Variants in NOVA1 observed in about 807,000 individuals in gnomAD.
NOVA1 encodes the protein NOVA alternative splicing regulator 1.
NOVA1 carries 7 observed loss-of-function variants against 38.0 expected under a neutral mutation model. The ratio of observed to expected loss-of-function variants is 0.18; its 90% CI spans 0.10 to 0.35. The LOEUF (loss-of-function observed/expected upper bound fraction) is 0.35. Ranked by LOEUF, NOVA1 falls within the 10% of genes least tolerant of loss-of-function variation. The pLI is 1.00. For missense variants in NOVA1, 460 were observed against 616.0 expected (o/e 0.75, Z 2.68); for synonymous variants, 270 against 232.5 (o/e 1.16, Z -1.47).
intron 2 of NOVA1, among the ~76,000 whole-genome samples, chr14:26,567,700 A>G (rs755832150): frequency 2.0e-5 from 3 of 152,076 alleles, no homozygotes; most frequent in Non-Finnish European, 4.4e-5. Context: ...CACCTGTTTC[A>G]TTTCTAGTCT....
chr14:26,515,083 C>A (rs1888366380), intron 2 of NOVA1, among the ~76,000 whole-genome samples: 1 of 151,878 alleles, frequency 6.6e-6, no homozygotes. Context: ...AAATGGCCAA[C>A]AAAGAACAAA....
At chr14:26,452,688 G>C (rs952124200) in intron 4 of NOVA1, among the ~76,000 whole-genome samples, 29 of 152,224 alleles carry the variant, frequency 1.9e-4, no homozygotes, top group Middle Eastern at 3.4e-3. Context: ...ATCTTCAACG[G>C]CATACCAATT....
intron 4 of NOVA1, among the ~76,000 whole-genome samples, chr14:26,462,776 T>G (rs929966709): frequency 5.9e-5 from 9 of 152,188 alleles, no homozygotes; most frequent in African/African-American, 2.2e-4. Flanking sequence ...CAAGTAGCTT[T>G]AAAGCATATG....
In NOVA1 at chr14:26,464,123, C is replaced by T. The variant is rs527529149; in HGVS notation, c.519+8197G>A. Among the ~76,000 whole-genome samples, 5 of 152,228 alleles carry T rather than the reference C, an allele frequency of 3.3e-5. No individual in the cohort carries two copies. In the South Asian group the frequency reaches 6.2e-4, roughly 19 times the overall value. ...GGCTCAAGACCACAGTTCTCCAAAT[C>T]CCTAGATCACACTTTTTCTTTATCA... On this transcript the variant is annotated intron_variant, in intron 4 of 4. Coordinates refer to ENST00000539517, the MANE Select transcript of NOVA1 (RefSeq NM_002515.3).
At chr14:26,481,988 T>TTAAAAAAAAAAAAA (rs922159329) in intron 2 of NOVA1, among the ~76,000 whole-genome samples, 2 of 105,986 alleles carry the variant, frequency 1.9e-5, no homozygotes, top group African/African-American at 1.0e-4. Flanking sequence ...TAGATAGAGA[T>TTAAAAAAAAAAAAA]AAAAAAAAAA....
intron 2 of NOVA1, among the ~76,000 whole-genome samples, chr14:26,551,351 T>C (rs1344503541): frequency 6.6e-6 from 1 of 152,092 alleles, no homozygotes; most frequent in African/African-American, 2.4e-5. Flanking sequence ...TGGCCTATTA[T>C]TACCAGTAAT....
At chr14:26,504,914 T>C (rs1443482897) in intron 2 of NOVA1, among the ~76,000 whole-genome samples, 1 of 152,188 alleles carries the variant, frequency 6.6e-6, no homozygotes, top group Non-Finnish European at 1.5e-5. Flanking sequence ...AGGGAATTAA[T>C]TTTTTGCACT....
chr14:26,594,404 G>T (rs1894047839), intron 2 of NOVA1: 1 of 151,812 alleles, frequency 6.6e-6, no homozygotes, highest in African/African-American at 2.4e-5. Flanking sequence ...TACTGAATTA[G>T]ATCACTGAAA....
rs185948540 is a variant in NOVA1, at chr14:26,452,499, T to C, written c.520-3536A>G. Among the ~76,000 whole-genome samples, 377 of 152,268 alleles carry C rather than the reference T, an allele frequency of 2.5e-3. 4 individuals are homozygous for C. The highest frequency in any genetic ancestry group is 2.0e-3 in the Non-Finnish European group (137 of 68,008). On this transcript the variant is annotated intron_variant, in intron 4 of 4. Transcript: ENST00000539517. Reference sequence around the variant, plus strand: ...AGATTATTTTCTCTTACTTCTTAGATAAAGGCATTTACCAAAGCAAATGTC... The same window carrying C: ...AGATTATTTTCTCTTACTTCTTAGACAAAGGCATTTACCAAAGCAAATGTC...
At chr14:26,516,455 C>G (rs1888470875) in intron 2 of NOVA1, among the ~76,000 whole-genome samples, 1 of 152,036 alleles carries the variant, frequency 6.6e-6, no homozygotes, top group Non-Finnish European at 1.5e-5. Context: ...TAAAGATATT[C>G]TATGTGGTTT....
intron 4 of NOVA1, among the ~76,000 whole-genome samples, chr14:26,467,754 G>C (rs1429523317): frequency 6.6e-6 from 1 of 152,154 alleles, no homozygotes; most frequent in Non-Finnish European, 1.5e-5. Context: ...TGATGAGAAG[G>C]CAGACTATGT....
chr14:26,469,950 T>C (rs1355599090), intron 4 of NOVA1, among the ~76,000 whole-genome samples: 1 of 152,164 alleles, frequency 6.6e-6, no homozygotes, highest in East Asian at 1.9e-4. Context: ...GAAATTATTA[T>C]AGGACAACAC....
In NOVA1 at chr14:26,589,002, G is replaced by GA. The variant is rs1352510978; in HGVS notation, c.280+6407dup. 5.3e-5 allele frequency among the ~76,000 whole-genome samples: 8 copies of GA among 150,740 alleles called. No individual in the cohort carries two copies. The South Asian group carries it at 1.3e-3, about 24-fold the overall frequency. The stretch of plus-strand genomic sequence containing the variant: ...ACATAGTTTACAAAACAAAAAAATA[G>GA]AAAAAAAACCTGTGCAAACTCCAAA... On this transcript the variant is annotated intron_variant, in intron 2 of 4. Coordinates refer to ENST00000539517, the MANE Select transcript of NOVA1 (RefSeq NM_002515.3).
rs377322494 is a variant in NOVA1, at chr14:26,472,821, A to G, written c.448-430T>C. Among the ~76,000 whole-genome samples the G allele has an allele frequency of 5.3e-5, 8 of 152,192 alleles. No individual in the cohort carries two copies. The East Asian group carries it at 1.5e-3, about 29-fold the overall frequency. ...GGAGATTTGAAGAAGTGGTGAAATGAAGTTTACTTTGGCATAAAATTATCC... is the reference window on the plus strand; with the variant it reads ...GGAGATTTGAAGAAGTGGTGAAATGGAGTTTACTTTGGCATAAAATTATCC... On this transcript the variant is annotated intron_variant, in intron 3 of 4. Transcript: ENST00000539517.
chr14:26,596,062 G>A (rs767690415), intron 1 of NOVA1: 1 of 229,422 alleles, frequency 4.4e-6, no homozygotes, highest in Non-Finnish European at 8.8e-6. Flanking sequence ...CTTAAAGTCC[G>A]CAAAACAACC....
chr14:26,470,466 A>G, intron 4 of NOVA1: 2 of 1,563,320 alleles, frequency 1.3e-6, no homozygotes, highest in South Asian at 1.1e-5. Context: ...ATCTTGCTTC[A>G]TGATATCCAG....
At chr14:26,547,702 TTAAG>T (rs752082060) in intron 2 of NOVA1, among the ~76,000 whole-genome samples, 4 of 152,090 alleles carry the variant, frequency 2.6e-5, no homozygotes, top group Non-Finnish European at 4.4e-5. Context: ...ATGAATGGGA[TTAAG>T]TAATACTTAC....
intron 4 of NOVA1, among the ~76,000 whole-genome samples, chr14:26,453,765 A>G (rs1243890996): frequency 1.3e-5 from 2 of 152,326 alleles, no homozygotes; most frequent in Non-Finnish European, 2.9e-5. Flanking sequence ...AAACTATTTA[A>G]TAAAACCACA....
intron 2 of NOVA1, among the ~76,000 whole-genome samples, chr14:26,496,974 C>A (rs902228380): frequency 6.6e-6 from 1 of 152,224 alleles, no homozygotes; most frequent in South Asian, 2.1e-4. Context: ...CTTGGCGATG[C>A]GGGCTCTTTT....
Sources: gnomAD v4.1 joint callset for allele counts (sites outside exome capture counted in the v4.1 genomes callset) on GRCh38, gnomAD v4.1.1 for gene constraint, MANE v1.5 for transcripts, NCBI Gene and HGNC (gene_info 2026-07-23, HGNC 2026-07-21) for gene names.